Variants in AKAP13 observed in about 807,000 individuals in gnomAD.
AKAP13 encodes the protein A-kinase anchoring protein 13, also known as A-kinase anchor protein 13.
A neutral mutation model predicts 264.5 loss-of-function variants in AKAP13; 80 were observed. That is an observed-to-expected ratio of 0.30 (90% CI 0.25 to 0.36). AKAP13 has a LOEUF of 0.36. AKAP13 is among the 10% of genes least tolerant of loss of function. The pLI, the probability that AKAP13 is intolerant of heterozygous loss-of-function variation, is 1.00. For missense variants in AKAP13, 3,712 were observed against 3,435.2 expected (o/e 1.08, Z -2.01); for synonymous variants, 1,380 against 1,250.2 (o/e 1.10, Z -2.19).
intron 10 of AKAP13, among the ~76,000 whole-genome samples, chr15:85,646,466 A>G (rs1567173274): frequency 1.3e-5 from 2 of 152,228 alleles, no homozygotes; most frequent in African/African-American, 4.8e-5. Context: ...CATTGGCCAA[A>G]GTTATTTAAT....
intron 9 of AKAP13, among the ~76,000 whole-genome samples, chr15:85,641,036 G>A (rs34257708): frequency 0.15 from 22,814 of 152,152 alleles, 2,322 homozygotes; most frequent in Middle Eastern, 0.3. Flanking sequence ...CTTCAGACCT[G>A]AGATTTTGAT....
chr15:85,568,978 G>A (rs2078707978), intron 5 of AKAP13, among the ~76,000 whole-genome samples: 1 of 152,156 alleles, frequency 6.6e-6, no homozygotes, highest in African/African-American at 2.4e-5. Flanking sequence ...ACCAGTGCCT[G>A]TAGGATTTGA....
chr15:85,413,965 A>G (rs1274693892), intron 1 of AKAP13, among the ~76,000 whole-genome samples: 1 of 152,084 alleles, frequency 6.6e-6, no homozygotes, highest in African/African-American at 2.4e-5. Context: ...ACTTTTTTAT[A>G]CTCATTCAAC....
rs1042465348 is a variant in AKAP13 at position 85,648,774 on chromosome 15, C to T, written c.4374+2820C>T. ...AGATCACTTAAGTGTAGGAGGTTAA[C>T]GCTGCAGTGAGCCGTGATGGCACCA... On this transcript the variant is annotated intron_variant, in intron 10 of 36. Coordinates refer to ENST00000394518, the MANE Select transcript of AKAP13 (RefSeq NM_007200.5). Among the ~76,000 whole-genome samples the T allele has an allele frequency of 2.4e-4, 36 of 152,020 alleles. 1 individual carries two copies. Among genetic ancestry groups the T allele is most frequent in the African/African-American group, 8.5e-4 (35 of 41,388 alleles).
Position 85,748,271 on chromosome 15 carries a change from T to C in AKAP13, c.*3594T>C, listed in dbSNP as rs1186073489. The stretch of plus-strand genomic sequence containing the variant: ...GTCCTGGTGAATGGGCTTCAAGTGG[T>C]CACAAAGAGGGTGGCTGTGAGGTGA... On this transcript the variant is annotated 3_prime_UTR_variant, in exon 37 of 37. Coordinates refer to ENST00000394518, the MANE Select transcript of AKAP13 (RefSeq NM_007200.5). 2 of 152,150 alleles carry C rather than the reference T, an allele frequency of 1.3e-5. No homozygotes were observed. 9.4% of individuals were successfully genotyped at this position (152,150 alleles called of 1,614,324 possible). A position where few individuals can be genotyped will look rare whatever the true frequency, so the allele number is the denominator to read the frequency against.
intron 3 of AKAP13, among the ~76,000 whole-genome samples, chr15:85,526,651 G>C (rs1439086596): frequency 6.6e-6 from 1 of 152,162 alleles, no homozygotes; most frequent in Non-Finnish European, 1.5e-5. Flanking sequence ...TATTTGAAAA[G>C]AAGTTGTAGA....
chr15:85,527,242 C>T (rs1342523647), intron 3 of AKAP13, among the ~76,000 whole-genome samples: 4 of 152,116 alleles, frequency 2.6e-5, no homozygotes, highest in Admixed American at 6.5e-5. Flanking sequence ...GGATTACAAG[C>T]GTGAGCCACC....
At chr15:85,604,790 A>T (rs987013282) in intron 8 of AKAP13, among the ~76,000 whole-genome samples, 1 of 24,252 alleles carries the variant, frequency 4.1e-5, no homozygotes, top group Non-Finnish European at 1.0e-4. Flanking sequence ...GTTCATCAGA[A>T]TGAGAGTTAG....
At chr15:85,669,556 G>T (rs762043366) in intron 13 of AKAP13, among the ~76,000 whole-genome samples, 166 bp from the exon 14 acceptor site, 1 of 152,204 alleles carries the variant, frequency 6.6e-6, no homozygotes, top group Non-Finnish European at 1.5e-5. Flanking sequence ...CTGTTAAGTA[G>T]CAGGAGCAGA....
At chr15:85,541,507 T>C (rs1459606744) in intron 4 of AKAP13, among the ~76,000 whole-genome samples, 1 of 152,264 alleles carries the variant, frequency 6.6e-6, no homozygotes, top group Non-Finnish European at 1.5e-5. Context: ...TTAGTTTAGC[T>C]TGCTTGTATG....
In AKAP13 at chr15:85,580,880, A is replaced by C; in HGVS notation, c.2812A>C (p.Lys938Gln). 1 of 1,614,170 alleles carries C rather than the reference A, an allele frequency of 6.2e-7. No individual in the cohort carries two copies. The highest frequency in any genetic ancestry group is 8.5e-7 in the Non-Finnish European group (1 of 1,180,014). The change falls in exon 7 of 37, where the codon AAG becomes CAG. Residue 938 changes from lysine to glutamine, a missense_variant. Coordinates refer to ENST00000394518, the MANE Select transcript of AKAP13 (RefSeq NM_007200.5). The part of the protein sequence containing the change: ...KDKAVTCSSI[K>Q]ENALSSGTLQ... ...TAAAGCGGTGACCTGTTCCTCTATTAAGGAAAATGCTCTCTCTTCAGGAAC... is the reference window on the plus strand; with the variant it reads ...TAAAGCGGTGACCTGTTCCTCTATTCAGGAAAATGCTCTCTCTTCAGGAAC...
chr15:85,650,628 C>T (rs1401407123), intron 10 of AKAP13, among the ~76,000 whole-genome samples: 5 of 150,650 alleles, frequency 3.3e-5, no homozygotes, highest in Non-Finnish European at 5.9e-5. Flanking sequence ...TGGTGGCAGG[C>T]GCCTGTAATC....
At chr15:85,473,305 A>G (rs1036302791) in intron 1 of AKAP13, among the ~76,000 whole-genome samples, 6 of 152,234 alleles carry the variant, frequency 3.9e-5, no homozygotes, top group African/African-American at 1.4e-4. Context: ...GGTTGTCAGG[A>G]GAGCAATTTG....
At chr15:85,566,965 TACAAGTAAG>T (rs1411684599) in intron 5 of AKAP13, among the ~76,000 whole-genome samples, 1 of 152,078 alleles carries the variant, frequency 6.6e-6, no homozygotes, top group Non-Finnish European at 1.5e-5. Flanking sequence ...AAATAATTTG[TACAAGTAAG>T]GCAAGTAATC....
intron 35 of AKAP13, among the ~76,000 whole-genome samples, chr15:85,743,248 G>A (rs1157317222): frequency 1.3e-5 from 2 of 152,162 alleles, no homozygotes; most frequent in Admixed American, 6.5e-5. Flanking sequence ...GTTTGTGTAT[G>A]TAGTAAAAGT....
intron 1 of AKAP13, among the ~76,000 whole-genome samples, chr15:85,418,067 C>CATT (rs34170000): frequency 0.28 from 38,009 of 133,776 alleles, 5,992 homozygotes; most frequent in Middle Eastern, 0.38. Context: ...TTATTATTAT[C>CATT]ATTATTATTA....
intron 16 of AKAP13, among the ~76,000 whole-genome samples, chr15:85,690,389 C>T (rs984779352): frequency 1.3e-5 from 2 of 152,116 alleles, no homozygotes; most frequent in Non-Finnish European, 2.9e-5. Flanking sequence ...AAACCTTTAG[C>T]AAAATTTAGT....
chr15:85,428,521 AG>A (rs1380097214), intron 1 of AKAP13, among the ~76,000 whole-genome samples: 8 of 152,246 alleles, frequency 5.3e-5, no homozygotes, highest in African/African-American at 1.7e-4. Context: ...AAAGCTGTGA[AG>A]GCTGGAAGCT....
Position 85,708,169 on chromosome 15 carries a change from G to A in AKAP13, c.5532+83G>A. ...CTCGGGAGTTGGGAGAGTTGAGGTT[G>A]TGGTGGATTTTGTTTATTTTAATCA... is the stretch of plus-strand genomic sequence containing the variant. On this transcript the variant is annotated intron_variant, in intron 18 of 36. Coordinates refer to ENST00000394518, the MANE Select transcript of AKAP13 (RefSeq NM_007200.5). The surrounding 1 kb of genome is among the most constrained non-coding windows in gnomAD (Gnocchi z 4.3). The A allele has an allele frequency of 2.3e-6, 3 of 1,323,472 alleles. No individual in the cohort carries two copies. The highest frequency in any genetic ancestry group is 3.2e-6 in the Non-Finnish European group (3 of 950,408). The allele number at this position is 1,323,472 out of a possible 1,614,324, so 82.0% of individuals were successfully genotyped here.
Sources: allele counts gnomAD v4.1 joint callset (sites outside exome capture counted in the v4.1 genomes callset), GRCh38; gene constraint gnomAD v4.1.1; non-coding constraint Gnocchi (gnomAD v3.1); transcripts MANE v1.5; gene names NCBI Gene and HGNC (gene_info 2026-07-23, HGNC 2026-07-21).